Variants in VAV3 observed in about 807,000 individuals in gnomAD.
VAV3 encodes vav guanine nucleotide exchange factor 3.
Under a neutral mutation model 131.2 loss-of-function variants are expected in VAV3, and 94 were observed. The observed-to-expected ratio is 0.72, with a 90% CI of 0.61 to 0.85. The LOEUF (loss-of-function observed/expected upper bound fraction) is 0.85. VAV3 is among the 40% of genes least tolerant of loss of function. VAV3 has a pLI of 0.00. For missense variants in VAV3, 939 were observed against 1,002.7 expected (o/e 0.94, Z 0.86); for synonymous variants, 349 against 342.0 (o/e 1.02, Z -0.22).
At chr1:107,926,719 G>C (rs1322109631) in intron 1 of VAV3, among the ~76,000 whole-genome samples, 1 of 152,166 alleles carries the variant, frequency 6.6e-6, no homozygotes, top group Non-Finnish European at 1.5e-5. Context: ...GCTGAACTCA[G>C]CTGAAGTCCG....
At chr1:107,582,059 A>C (rs1650093126) in intron 25 of VAV3, among the ~76,000 whole-genome samples, 1 of 152,212 alleles carries the variant, frequency 6.6e-6, no homozygotes, top group Admixed American at 6.5e-5. Context: ...TAAGAATATG[A>C]GAAGATTGGG....
In VAV3 at chr1:107,770,166, G is replaced by A. The variant is rs1038715676; in HGVS notation, c.648+470C>T. Among the ~76,000 whole-genome samples, 58 of 152,000 alleles carry A rather than the reference G, an allele frequency of 3.8e-4. 1 individual carries two copies. The highest frequency in any genetic ancestry group is 8.5e-4 in the Admixed American group (13 of 15,262). Reference sequence around the variant, plus strand: ...ACTTTCCAATCAGAGGGGCTCTCTCGGGAATGATCTTCATTGGCATATGTA... The same window carrying A: ...ACTTTCCAATCAGAGGGGCTCTCTCAGGAATGATCTTCATTGGCATATGTA... On this transcript the variant is annotated intron_variant, in intron 6 of 26. Transcript: ENST00000370056.
intron 15 of VAV3, among the ~76,000 whole-genome samples, chr1:107,711,742 C>G (rs1343701471): frequency 1.3e-5 from 2 of 152,024 alleles, no homozygotes; most frequent in East Asian, 3.9e-4. Context: ...CTTGCTCTGT[C>G]GCCCAGGCTG....
intron 17 of VAV3, among the ~76,000 whole-genome samples, chr1:107,694,612 T>C (rs926874339): frequency 6.6e-6 from 1 of 152,146 alleles, no homozygotes; most frequent in Non-Finnish European, 1.5e-5. Context: ...TTATTCCACT[T>C]TTCCACAATC....
At chr1:107,732,679 G>A (rs1231692480) in intron 15 of VAV3, among the ~76,000 whole-genome samples, 2 of 152,216 alleles carry the variant, frequency 1.3e-5, no homozygotes, top group South Asian at 4.1e-4. Flanking sequence ...TGCCATTGCT[G>A]AGGCCTGAGT....
intron 1 of VAV3, among the ~76,000 whole-genome samples, chr1:107,922,978 A>G (rs1672984075): frequency 7.4e-6 from 1 of 135,000 alleles, no homozygotes; most frequent in Admixed American, 7.5e-5. Context: ...AAAAAAAAAA[A>G]GAGCACAATT....
intron 1 of VAV3, among the ~76,000 whole-genome samples, chr1:107,881,444 G>A (rs1048285518): frequency 3.3e-5 from 5 of 152,150 alleles, no homozygotes; most frequent in Non-Finnish European, 5.9e-5. Context: ...CATAGTATGT[G>A]AAAAGGAGGC....
chr1:107,717,870 T>A (rs1173504636), intron 15 of VAV3, among the ~76,000 whole-genome samples: 1 of 152,078 alleles, frequency 6.6e-6, no homozygotes, highest in African/African-American at 2.4e-5. Flanking sequence ...TGTGTGGGAG[T>A]CTATGTCTCT....
intron 20 of VAV3, 118 bp from the exon 21 acceptor site, chr1:107,617,750 C>A: frequency 1.3e-6 from 1 of 783,432 alleles, no homozygotes; most frequent in Non-Finnish European, 2.0e-6. Flanking sequence ...TGTGTTATAT[C>A]CAGTCCTGAG....
At chr1:107,598,677 T>G (rs921954934) in intron 24 of VAV3, among the ~76,000 whole-genome samples, 1 of 152,142 alleles carries the variant, frequency 6.6e-6, no homozygotes, top group Non-Finnish European at 1.5e-5. Context: ...GAATATGCAT[T>G]TGTATTTTGG....
intron 1 of VAV3, among the ~76,000 whole-genome samples, chr1:107,934,623 G>A (rs1267845067): frequency 6.6e-6 from 1 of 152,152 alleles, no homozygotes; most frequent in African/African-American, 2.4e-5. Context: ...AACAAACACA[G>A]GTAGCTCTGT....
At chr1:107,757,775 C>T (rs141620336) in intron 10 of VAV3, among the ~76,000 whole-genome samples, 18 of 152,148 alleles carry the variant, frequency 1.2e-4, no homozygotes, top group African/African-American at 4.1e-4. Flanking sequence ...TAAATTTCTG[C>T]CTCCTCCTCA....
intron 9 of VAV3, 112 bp from the exon 10 acceptor site, chr1:107,760,991 C>A (rs950283272): frequency 3.4e-6 from 2 of 587,666 alleles, no homozygotes; most frequent in East Asian, 5.9e-5. Flanking sequence ...GTTTCCTTAA[C>A]AATCCTTCTC....
At chr1:107,613,748 C>T (rs1652929919) in intron 21 of VAV3, among the ~76,000 whole-genome samples, 1 of 152,002 alleles carries the variant, frequency 6.6e-6, no homozygotes, top group Non-Finnish European at 1.5e-5. Context: ...GTGTATGTTG[C>T]CTAGGACTTT....
intron 19 of VAV3, among the ~76,000 whole-genome samples, chr1:107,668,386 A>G (rs1657556402): frequency 6.6e-6 from 1 of 152,208 alleles, no homozygotes; most frequent in Non-Finnish European, 1.5e-5. Flanking sequence ...ACTTACATGA[A>G]TTTGGACACC....
In VAV3 at chr1:107,927,984, C is replaced by T. The variant is rs185712467; in HGVS notation, c.204+36682G>A. On this transcript the variant is annotated intron_variant, in intron 1 of 26. Transcript: ENST00000370056. ...GTCTTAAGTGAGACCCAGTGCTATACTGGCTTCAGAGCACAGTCCCGGTGG... is the reference window on the plus strand; with the variant it reads ...GTCTTAAGTGAGACCCAGTGCTATATTGGCTTCAGAGCACAGTCCCGGTGG... Among the ~76,000 whole-genome samples, 545 of 152,266 alleles carry T rather than the reference C, an allele frequency of 3.6e-3. 4 individuals carry two copies. Among genetic ancestry groups the T allele is most frequent in the Non-Finnish European group, 4.1e-3 (277 of 68,016 alleles).
chr1:107,819,880 G>A (rs1177697367), intron 2 of VAV3, among the ~76,000 whole-genome samples: 2 of 152,048 alleles, frequency 1.3e-5, no homozygotes, highest in South Asian at 4.1e-4. Context: ...CTGATCATTA[G>A]AGAAATAAAA....
intron 1 of VAV3, among the ~76,000 whole-genome samples, chr1:107,932,543 T>C (rs541323925): frequency 5.9e-5 from 9 of 152,312 alleles, no homozygotes; most frequent in East Asian, 3.9e-4. Flanking sequence ...GGCTGAATAA[T>C]AGCCTCCAAA....
rs11185199 is a variant in VAV3 at position 107,886,148 on chromosome 1, A to G, written c.205-11131T>C. Reference sequence around the variant, plus strand: ...GAATTAATTTCTCCATAAGGACAAGATAATGCCTCACGGCCATGACCCTGC... The same window carrying G: ...GAATTAATTTCTCCATAAGGACAAGGTAATGCCTCACGGCCATGACCCTGC... On this transcript the variant is annotated intron_variant, in intron 1 of 26. Transcript: ENST00000370056. Among the ~76,000 whole-genome samples the G allele has an allele frequency of 4.1e-3, 626 of 152,364 alleles. 5 individuals carry two copies. The highest frequency in any genetic ancestry group is 0.014 in the African/African-American group (588 of 41,588).
Sources: allele counts gnomAD v4.1 joint callset (sites outside exome capture counted in the v4.1 genomes callset), GRCh38; gene constraint gnomAD v4.1.1; transcripts MANE v1.5; gene names NCBI Gene and HGNC (gene_info 2026-07-23, HGNC 2026-07-21).